The following WWTR1 variants were observed in gnomAD, a reference collection of about 807,000 sequenced individuals.
The protein encoded by WWTR1 is WW domain containing transcription regulator 1, also known as WW domain-containing transcription regulator protein 1.
WWTR1 carries 13 observed loss-of-function variants against 40.1 expected under a neutral mutation model. That is an observed-to-expected ratio of 0.32 (90% CI 0.21 to 0.52). WWTR1 has a LOEUF of 0.52. Ranked by LOEUF, WWTR1 falls within the 20% of genes least tolerant of loss-of-function variation. The probability of loss-of-function intolerance (pLI) is 0.97; values close to 1 mark genes in which losing one functional copy is unlikely to be tolerated. For missense variants in WWTR1, 436 were observed against 523.1 expected, an observed-to-expected ratio of 0.83 and a Z score of 1.63; for synonymous variants, 230 against 210.1, an observed-to-expected ratio of 1.09 and a Z score of -0.82.
At chr3:149,713,739 C>G (rs533087381) in intron 5 of WWTR1, among the ~76,000 whole-genome samples, 1 of 152,308 alleles carries the variant, frequency 6.6e-6, no homozygotes, top group Admixed American at 6.5e-5. Flanking sequence ...ATAAGGATCA[C>G]AGTGATAGCA....
intron 2 of WWTR1, among the ~76,000 whole-genome samples, chr3:149,593,900 T>C (rs1400147540): frequency 1.3e-5 from 2 of 152,240 alleles, no homozygotes; most frequent in African/African-American, 4.8e-5. Flanking sequence ...GTGCTTCCTT[T>C]TTCAGGGAAA....
At chr3:149,723,185 CTTTTTTTT>C (rs35573546) in intron 4 of WWTR1, among the ~76,000 whole-genome samples, 2 of 101,816 alleles carry the variant, frequency 2.0e-5, no homozygotes, top group Non-Finnish European at 3.8e-5. Flanking sequence ...CTTTTCTTTT[CTTTTTTTT>C]TTTTTTTTTT....
chr3:149,527,769 A>G (rs947835703), intron 5 of WWTR1, 67 bp downstream of exon 5: 2 of 1,601,186 alleles, frequency 1.2e-6, no homozygotes, highest in African/African-American at 2.7e-5. Flanking sequence ...GTAAACAAAG[A>G]TCCTATTATA....
intron 4 of WWTR1, among the ~76,000 whole-genome samples, chr3:149,530,938 C>A (rs1356052014): frequency 1.4e-5 from 2 of 143,162 alleles, no homozygotes; most frequent in Non-Finnish European, 3.1e-5. Context: ...GGAATGATTG[C>A]TTTTTTTTTT....
intron 4 of WWTR1, among the ~76,000 whole-genome samples, chr3:149,536,408 T>C (rs1400952270): frequency 6.6e-6 from 1 of 152,080 alleles, no homozygotes; most frequent in Non-Finnish European, 1.5e-5. Flanking sequence ...CCTACATTTA[T>C]GCTTCATGAT....
At chr3:149,577,328 A>T (rs902023852) in intron 2 of WWTR1, among the ~76,000 whole-genome samples, 4 of 152,200 alleles carry the variant, frequency 2.6e-5, no homozygotes, top group Non-Finnish European at 4.4e-5. Flanking sequence ...GCTTTTCTTG[A>T]CAGTAAACAT....
chr3:149,701,487 G>C (rs1313560349), intron 1 of WWTR1: 2 of 183,694 alleles, frequency 1.1e-5, no homozygotes, highest in Non-Finnish European at 2.3e-5. Flanking sequence ...AAACTTTCTA[G>C]TCCTGCTGAT....
chr3:149,663,291 T>G (rs1713664501), intron 2 of WWTR1, among the ~76,000 whole-genome samples: 1 of 151,994 alleles, frequency 6.6e-6, no homozygotes, highest in African/African-American at 2.4e-5. Context: ...GTGCTGGGAT[T>G]ACAGATGTGA....
chr3:149,578,215 C>T (rs570698577), intron 2 of WWTR1, among the ~76,000 whole-genome samples: 3 of 152,282 alleles, frequency 2.0e-5, no homozygotes, highest in Admixed American at 6.5e-5. Context: ...TCACATATAC[C>T]TGGGTGCCCG....
chr3:149,573,286 C>T (rs778293079), intron 2 of WWTR1, among the ~76,000 whole-genome samples: 3 of 152,128 alleles, frequency 2.0e-5, no homozygotes, highest in African/African-American at 4.8e-5. Context: ...CCCCTCGGCC[C>T]GTGGAGCTTG....
At chr3:149,702,890 G>A (rs547622263) in intron 1 of WWTR1, 124 of 152,322 alleles carry the variant, frequency 8.1e-4, no homozygotes, top group African/African-American at 2.8e-3. Flanking sequence ...AGGCCTACTC[G>A]AATATCTGCC....
At position 149,657,756 on chromosome 3, in the gene WWTR1, G is replaced by T. The variant is rs1433755465; in HGVS notation, c.-4+9C>A. ...GCCGGATGAGCGCGCGAGCTCCAGC[G>T]GGCACTACCTGGGCGGGCAGCGAAG... is the stretch of plus-strand genomic sequence containing the variant. On this transcript the variant is annotated intron_variant, in intron 1 of 6. Coordinates refer to ENST00000360632, the MANE Select transcript of WWTR1 (RefSeq NM_015472.6). The T allele has an allele frequency of 6.3e-6, 1 of 159,550 alleles. No individual in the cohort carries two copies. Among genetic ancestry groups the T allele is most frequent in the African/African-American group, 2.4e-5 (1 of 41,530 alleles). 9.9% of individuals were successfully genotyped at this position (159,550 alleles called of 1,614,324 possible). A position where few individuals can be genotyped will look rare whatever the true frequency, so the allele number is the denominator to read the frequency against.
intron 3 of WWTR1, among the ~76,000 whole-genome samples, chr3:149,567,278 G>T (rs1737378694): frequency 6.6e-6 from 1 of 152,108 alleles, no homozygotes; most frequent in Non-Finnish European, 1.5e-5. Flanking sequence ...GTTGTTGCAT[G>T]TTTTCAGTAT....
At chr3:149,524,630 T>C (rs1468328530) in intron 6 of WWTR1, among the ~76,000 whole-genome samples, 4 of 152,174 alleles carry the variant, frequency 2.6e-5, no homozygotes, top group Non-Finnish European at 4.4e-5. Context: ...CCTCACAAGA[T>C]AGTCTTTGCA....
At chr3:149,539,505 C>A (rs1735989396) in intron 4 of WWTR1, among the ~76,000 whole-genome samples, 1 of 152,166 alleles carries the variant, frequency 6.6e-6, no homozygotes, top group Non-Finnish European at 1.5e-5. Context: ...TTAAGGCCGC[C>A]TACAAGCAAG....
intron 4 of WWTR1, among the ~76,000 whole-genome samples, chr3:149,719,370 C>T (rs547214756): frequency 1.3e-3 from 195 of 151,850 alleles, no homozygotes; most frequent in African/African-American, 4.2e-3. Flanking sequence ...AGGGTTTCAC[C>T]ACGTTGGTCA....
At chr3:149,698,221 C>A (rs1715052646) in intron 1 of WWTR1, among the ~76,000 whole-genome samples, 1 of 152,336 alleles carries the variant, frequency 6.6e-6, no homozygotes, top group South Asian at 2.1e-4. Flanking sequence ...GTGTCAAGGG[C>A]AGGCCTAGGT....
At chr3:149,561,606 T>C (rs978514930) in intron 3 of WWTR1, among the ~76,000 whole-genome samples, 3 of 152,230 alleles carry the variant, frequency 2.0e-5, no homozygotes, top group African/African-American at 7.2e-5. Context: ...CACTGTGGCA[T>C]TGTTTAGTAA....
chr3:149,701,674 G>A (rs1195496486), intron 1 of WWTR1: 1 of 175,920 alleles, frequency 5.7e-6, no homozygotes, highest in Non-Finnish European at 1.2e-5. Flanking sequence ...TTATGGCTGG[G>A]TGGTTCATGG....
Sources: allele counts gnomAD v4.1 joint callset (sites outside exome capture counted in the v4.1 genomes callset), GRCh38; gene constraint gnomAD v4.1.1; transcripts MANE v1.5; gene names NCBI Gene and HGNC (gene_info 2026-07-23, HGNC 2026-07-21).